Variants in IGFL2 observed in about 807,000 individuals in gnomAD.
IGFL2 encodes IGF like family member 2.
A neutral mutation model predicts 13.9 loss-of-function variants in IGFL2; 7 were observed. That is an observed-to-expected ratio of 0.51 (90% CI 0.29 to 0.95). The LOEUF is 0.95. IGFL2 is among the 40% of genes least tolerant of loss of function. The pLI is 0.08. For synonymous variants in IGFL2, 55 were observed against 55.8 expected (o/e 0.99, Z 0.07); for missense variants, 138 against 147.8 (o/e 0.93, Z 0.34).
chr19:46,127,124 A>G, the IGFL2 span, among the ~76,000 whole-genome samples: 1 of 152,256 alleles, frequency 6.6e-6, no homozygotes, highest in African/African-American at 2.4e-5. Context: ...AGTGGCTGAC[A>G]CCTGTAATCC....
chr19:46,123,465 C>G, the IGFL2 span, among the ~76,000 whole-genome samples: 8 of 150,894 alleles, frequency 5.3e-5, no homozygotes, highest in Non-Finnish European at 8.8e-5. Flanking sequence ...CAGTCTTTCC[C>G]CTTGGGGAAA....
the IGFL2 span, among the ~76,000 whole-genome samples, chr19:46,168,677 G>A: frequency 6.6e-6 from 1 of 151,680 alleles, no homozygotes; most frequent in Non-Finnish European, 1.5e-5. Context: ...CCCTTTTTTT[G>A]CCTTTAAACA....
At chr19:46,124,186 A>G in the IGFL2 span, 2 of 1,610,160 alleles carry the variant, frequency 1.2e-6, no homozygotes, top group East Asian at 2.3e-5. Flanking sequence ...GTGTACATCC[A>G]AGGAAGAACA....
the IGFL2 span, chr19:46,120,345 G>T: frequency 1.9e-6 from 3 of 1,611,148 alleles, no homozygotes; most frequent in East Asian, 2.3e-5. Flanking sequence ...GGTACAGGAC[G>T]TGCCTCCTGT....
At chr19:46,087,772 CA>C in the IGFL2 span, among the ~76,000 whole-genome samples, 1 of 152,200 alleles carries the variant, frequency 6.6e-6, no homozygotes, top group Admixed American at 6.5e-5. Flanking sequence ...GGGTTGCTGT[CA>C]TCAGTTTCCA....
chr19:46,186,741 A>G, the IGFL2 span, among the ~76,000 whole-genome samples: 80 of 152,324 alleles, frequency 5.3e-4, 2 homozygotes, highest in South Asian at 0.016. Context: ...GGTGTTAATT[A>G]GCAAATTAGG....
chr19:46,128,810 CTTG>C, the IGFL2 span, among the ~76,000 whole-genome samples: 4 of 152,024 alleles, frequency 2.6e-5, no homozygotes, highest in African/African-American at 7.2e-5. Context: ...GCTTTCTTTT[CTTG>C]TTGTGTGTCT....
At chr19:46,201,928 T>G in the IGFL2 span, among the ~76,000 whole-genome samples, 1 of 151,942 alleles carries the variant, frequency 6.6e-6, no homozygotes. Context: ...TGGGGAGGGC[T>G]AGTCACGGAA....
the IGFL2 span, among the ~76,000 whole-genome samples, chr19:46,098,843 T>C: frequency 5.3e-5 from 8 of 152,190 alleles, no homozygotes; most frequent in Non-Finnish European, 8.8e-5. Context: ...AATATTGTTA[T>C]GTGTGTTTGA....
the IGFL2 span, chr19:46,137,349 TGAACCA>T: frequency 8.8e-7 from 1 of 1,142,284 alleles, no homozygotes; most frequent in Non-Finnish European, 1.3e-6. Context: ...CGGGCGTTGA[TGAACCA>T]GTTACAGACC....
the IGFL2 span, chr19:46,207,645 G>C: frequency 6.6e-6 from 1 of 152,208 alleles, no homozygotes; most frequent in African/African-American, 2.4e-5. Context: ...GCCTCCCAAA[G>C]TGTTGGGATT....
upstream of IGFL2, among the ~76,000 whole-genome samples, chr19:46,144,861 G>A (rs1973036610): frequency 6.6e-6 from 1 of 152,078 alleles, no homozygotes; most frequent in Non-Finnish European, 1.5e-5. Context: ...CACAGGAAAG[G>A]CTAAGTTGAT....
the IGFL2 span, among the ~76,000 whole-genome samples, chr19:46,089,533 T>G: frequency 1.3e-5 from 2 of 152,156 alleles, no homozygotes; most frequent in African/African-American, 4.8e-5. Context: ...CCTTTAGCAT[T>G]TTTTGTAAGA....
chr19:46,172,727 ATT>A, the IGFL2 span, among the ~76,000 whole-genome samples: 126 of 151,808 alleles, frequency 8.3e-4, 2 homozygotes, highest in Middle Eastern at 0.017. Context: ...ATATATATAT[ATT>A]TTTTTTCAGA....
upstream of IGFL2, among the ~76,000 whole-genome samples, chr19:46,147,006 C>G (rs552912528): frequency 8.7e-4 from 133 of 152,232 alleles, no homozygotes; most frequent in African/African-American, 3.1e-3. Context: ...AATAAAATAA[C>G]AGTAAGAAAC....
At chr19:46,206,637 A>G in the IGFL2 span, 1 of 152,256 alleles carries the variant, frequency 6.6e-6, no homozygotes, top group African/African-American at 2.4e-5. Context: ...ACATCAGTCC[A>G]AAAGAAAGTT....
In IGFL2 at chr19:46,160,896, C is replaced by T; in HGVS notation, c.341+15C>T. 3.1e-6 allele frequency: 5 copies of T among 1,612,170 alleles called. No homozygotes were observed. The highest frequency in any genetic ancestry group is 8.5e-7 in the Non-Finnish European group (1 of 1,178,396). On this transcript the variant is annotated intron_variant, in intron 3 of 3. Coordinates refer to ENST00000377693, the MANE Select transcript of IGFL2 (RefSeq NM_001135113.2). ...AAATGTGAAAGGTAGGGACCCCGTC[C>T]CTGGCCAGGGGGTCGGGGGAAGGGA... is the stretch of plus-strand genomic sequence containing the variant.
the IGFL2 span, among the ~76,000 whole-genome samples, chr19:46,127,804 G>A: frequency 9.2e-5 from 14 of 151,710 alleles, no homozygotes; most frequent in Admixed American, 3.3e-4. Context: ...TAATTTTTTC[G>A]TAAGTTATTG....
At chr19:46,134,665 T>C in the IGFL2 span, among the ~76,000 whole-genome samples, 1 of 152,216 alleles carries the variant, frequency 6.6e-6, no homozygotes, top group South Asian at 2.1e-4. Context: ...ATAGGGTTCA[T>C]GCTCTTATGA....
Sources: gnomAD v4.1 joint callset for allele counts (sites outside exome capture counted in the v4.1 genomes callset) on GRCh38, gnomAD v4.1.1 for gene constraint, MANE v1.5 for transcripts, NCBI Gene and HGNC (gene_info 2026-07-23, HGNC 2026-07-21) for gene names.